The following SAMMSON variants were observed in gnomAD, a reference collection of about 807,000 sequenced individuals.
SAMMSON encodes the protein survival associated mitochondrial melanoma specific oncogenic non-coding RNA.
chr3:70,126,304 G>C lies in SAMMSON; in HGVS notation n.507+54739G>C, dbSNP rs1464147934. ...GGAGTGGGACATGGGGAGTGAACTT[G>C]ATCTTGCTCTTTTGCAAATTCAAAG... On this transcript the variant is annotated intron_variant and non_coding_transcript_variant, in intron 4 of 9. Transcript: ENST00000642114. 9.6e-6 allele frequency: 11 copies of C among 1,145,652 alleles called. 1 individual carries two copies. In the Admixed American group the frequency reaches 1.8e-4, roughly 19 times the overall value. The allele number at this position is 1,145,652 out of a possible 1,614,324, so 71.0% of individuals were successfully genotyped here.
At chr3:70,292,475 A>G (rs191493092) in intron 7 of SAMMSON, among the ~76,000 whole-genome samples, 6 of 152,152 alleles carry the variant, frequency 3.9e-5, no homozygotes, top group African/African-American at 7.2e-5. Flanking sequence ...AAATCAGGAA[A>G]CAATCGTAAA....
intron 4 of SAMMSON, among the ~76,000 whole-genome samples, chr3:70,154,946 T>A (rs1559524730): frequency 6.6e-6 from 1 of 151,658 alleles, no homozygotes; most frequent in Non-Finnish European, 1.5e-5. Flanking sequence ...TGAAACAGAA[T>A]AATGTTTTAG....
intron 6 of SAMMSON, among the ~76,000 whole-genome samples, chr3:70,264,958 T>A (rs897774113): frequency 2.0e-5 from 3 of 152,116 alleles, no homozygotes; most frequent in African/African-American, 7.2e-5. Context: ...GGAAGGTGAA[T>A]GAGGAGCAAA....
At chr3:70,391,583 T>C (rs1701048848), downstream of SAMMSON, among the ~76,000 whole-genome samples, 1 of 152,178 alleles carries the variant, frequency 6.6e-6, no homozygotes, top group Admixed American at 6.6e-5. Context: ...GTGTTCACTA[T>C]AACCAATGTT....
chr3:70,136,759 G>A (rs897227258), intron 4 of SAMMSON, among the ~76,000 whole-genome samples: 1 of 152,128 alleles, frequency 6.6e-6, no homozygotes, highest in Non-Finnish European at 1.5e-5. Context: ...GCTCAGATAA[G>A]GTTTAACTAT....
In SAMMSON at chr3:70,419,661, C is replaced by A. The variant is rs139382817; in HGVS notation, n.234-42899C>A. Among the ~76,000 whole-genome samples, 479 of 152,216 alleles carry A rather than the reference C, an allele frequency of 3.1e-3. 3 individuals are homozygous for A. Among genetic ancestry groups the A allele is most frequent in the African/African-American group, 0.011 (455 of 41,544 alleles). ...GAAAATGGTTTGTTTGTTTTTGAGA[C>A]TGAGTCCCGCTCTGTCACCCAGGCT... On this transcript the variant is annotated intron_variant and non_coding_transcript_variant, in intron 2 of 3. Transcript: ENST00000641053.
chr3:70,176,289 G>A (rs1243391914), intron 4 of SAMMSON, among the ~76,000 whole-genome samples: 1 of 152,080 alleles, frequency 6.6e-6, no homozygotes, highest in East Asian at 1.9e-4. Flanking sequence ...GATTGCTCAG[G>A]CGAAACCCAA....
At chr3:70,024,186 A>G (rs566801869) in intron 3 of SAMMSON, among the ~76,000 whole-genome samples, 4 of 152,242 alleles carry the variant, frequency 2.6e-5, no homozygotes, top group African/African-American at 9.6e-5. Flanking sequence ...TTTCTTTTAT[A>G]TTCCTACAAT....
chr3:70,283,871 G>C (rs1702113820), intron 6 of SAMMSON: 2 of 151,914 alleles, frequency 1.3e-5, no homozygotes. Context: ...GTATTTTTAA[G>C]AGAATGTGTA....
intron 3 of SAMMSON, among the ~76,000 whole-genome samples, chr3:70,060,937 A>G (rs1215800900): frequency 6.6e-6 from 1 of 152,060 alleles, no homozygotes; most frequent in African/African-American, 2.4e-5. Flanking sequence ...AAAAGATGAG[A>G]GGAAGAGGGA....
At chr3:70,295,626 A>G (rs1214982479) in intron 7 of SAMMSON, among the ~76,000 whole-genome samples, 1 of 152,152 alleles carries the variant, frequency 6.6e-6, no homozygotes, top group African/African-American at 2.4e-5. Context: ...CAAGAGGTTG[A>G]GCCTGCAGTG....
At chr3:70,316,962 T>C (rs190583219) in intron 7 of SAMMSON, among the ~76,000 whole-genome samples, 21 of 152,224 alleles carry the variant, frequency 1.4e-4, no homozygotes, top group Admixed American at 1.3e-3. Flanking sequence ...CGTGTAAGGA[T>C]AAACATGTGA....
chr3:70,302,631 G>A (rs755617334), intron 7 of SAMMSON: 7 of 152,138 alleles, frequency 4.6e-5, no homozygotes, highest in Non-Finnish European at 8.8e-5. Context: ...TGGAGGATTG[G>A]TTCCTGGTCT....
At chr3:70,173,424 A>T (rs1362479536) in intron 4 of SAMMSON, among the ~76,000 whole-genome samples, 2 of 152,068 alleles carry the variant, frequency 1.3e-5, no homozygotes, top group Non-Finnish European at 2.9e-5. Flanking sequence ...AATGATATAA[A>T]ATTTGTTCAA....
At chr3:70,412,437 A>T (rs1701227945) in intron 2 of SAMMSON, among the ~76,000 whole-genome samples, 1 of 152,230 alleles carries the variant, frequency 6.6e-6, no homozygotes, top group Non-Finnish European at 1.5e-5. Flanking sequence ...AACTTTGGAA[A>T]AAGTGTAAGT....
At chr3:70,383,353 A>T (rs1366337722) in intron 9 of SAMMSON, among the ~76,000 whole-genome samples, 1 of 151,526 alleles carries the variant, frequency 6.6e-6, no homozygotes, top group Non-Finnish European at 1.5e-5. Flanking sequence ...AAAATAAAAA[A>T]AAAAAACAAC....
intron 4 of SAMMSON, chr3:70,196,915 A>T (rs1393599662): frequency 2.5e-6 from 1 of 398,406 alleles, no homozygotes; most frequent in African/African-American, 2.1e-5. Context: ...GAATGTGGTT[A>T]CTTCACTGTG....
At chr3:70,342,174 T>C (rs1702716395) in intron 7 of SAMMSON, among the ~76,000 whole-genome samples, 1 of 152,204 alleles carries the variant, frequency 6.6e-6, no homozygotes, top group African/African-American at 2.4e-5. Context: ...CCATTGAGTG[T>C]TTGGGGTCAT....
intron 4 of SAMMSON, among the ~76,000 whole-genome samples, chr3:70,114,076 G>A (rs1576125190): frequency 6.6e-6 from 1 of 152,170 alleles, no homozygotes; most frequent in Admixed American, 6.5e-5. Context: ...TGACGAGGTC[G>A]GAATTGACAA....
Sources: allele counts gnomAD v4.1 joint callset (sites outside exome capture counted in the v4.1 genomes callset), GRCh38; gene constraint gnomAD v4.1.1; transcripts MANE v1.5; gene names NCBI Gene and HGNC (gene_info 2026-07-23, HGNC 2026-07-21).